Variants in EPB41L4B observed in about 807,000 individuals in gnomAD.
EPB41L4B encodes the protein band 4.1-like protein 4B.
EPB41L4B carries 30 observed loss-of-function variants against 112.5 expected under a neutral mutation model. The observed-to-expected ratio is 0.27, with a 90% confidence interval of 0.20 to 0.36. The LOEUF (loss-of-function observed/expected upper bound fraction) is 0.36. Among genes scored for constraint, EPB41L4B ranks in the 10% least tolerant of loss-of-function variants. The probability of loss-of-function intolerance (pLI) is 1.00; values close to 1 mark genes in which losing one functional copy is unlikely to be tolerated. For synonymous variants in EPB41L4B, 408 were observed against 439.7 expected (o/e 0.93, Z 0.90); for missense variants, 1,024 against 1,133.3 (o/e 0.90, Z 1.38).
intron 17 of EPB41L4B, among the ~76,000 whole-genome samples, chr9:109,211,764 G>GC (rs1833186660): frequency 7.1e-6 from 1 of 140,318 alleles, no homozygotes. Context: ...CACCTAGGCT[G>GC]CAGTGCAGTG....
chr9:109,313,538 C>T (rs574326165), intron 1 of EPB41L4B, among the ~76,000 whole-genome samples: 21 of 152,292 alleles, frequency 1.4e-4, no homozygotes, highest in Admixed American at 1.1e-3. Flanking sequence ...TCGAGACTGC[C>T]CCATAGCAGC....
At chr9:109,290,566 T>C (rs1300317092) in intron 1 of EPB41L4B, among the ~76,000 whole-genome samples, 1 of 152,052 alleles carries the variant, frequency 6.6e-6, no homozygotes, top group African/African-American at 2.4e-5. Flanking sequence ...AGCAGTTGGC[T>C]TCCCAGCCAG....
chr9:109,197,119 A>G (rs899606620), intron 20 of EPB41L4B, among the ~76,000 whole-genome samples: 7 of 152,188 alleles, frequency 4.6e-5, no homozygotes, highest in African/African-American at 1.4e-4. Context: ...ATCAATATCA[A>G]AGAGTTAAAG....
intron 12 of EPB41L4B, 62 bp from the exon 13 acceptor site, chr9:109,251,573 T>C (rs1045830123): frequency 6.9e-6 from 10 of 1,441,888 alleles, no homozygotes; most frequent in Middle Eastern, 3.5e-4. Flanking sequence ...CACCATGCAA[T>C]GACAGATAAT....
intron 1 of EPB41L4B, among the ~76,000 whole-genome samples, chr9:109,315,894 A>C (rs1334317491): frequency 6.6e-6 from 1 of 152,160 alleles, no homozygotes; most frequent in Non-Finnish European, 1.5e-5. Flanking sequence ...TTTCCACTAA[A>C]GAAGAGCCAA....
At chr9:109,243,906 C>T (rs1006727906) in intron 14 of EPB41L4B, among the ~76,000 whole-genome samples, 1 of 152,166 alleles carries the variant, frequency 6.6e-6, no homozygotes, top group Non-Finnish European at 1.5e-5. Flanking sequence ...TCTCCAGAGG[C>T]GGCTCCCTGT....
At chr9:109,202,380 A>G (rs1832864215) in intron 19 of EPB41L4B, among the ~76,000 whole-genome samples, 1 of 152,188 alleles carries the variant, frequency 6.6e-6, no homozygotes, top group African/African-American at 2.4e-5. Flanking sequence ...GTGGTTCTAG[A>G]TCACCTAGGT....
chr9:109,229,984 T>C (rs1833902074), intron 15 of EPB41L4B, among the ~76,000 whole-genome samples: 1 of 152,158 alleles, frequency 6.6e-6, no homozygotes, highest in African/African-American at 2.4e-5. Context: ...TTAGGATAAT[T>C]GACTCAAGTA....
At chr9:109,251,551 C>T in intron 12 of EPB41L4B, 40 bp from the exon 13 acceptor site, 1 of 1,591,560 alleles carries the variant, frequency 6.3e-7, no homozygotes. Context: ...TCTTAGAGAA[C>T]TTTATCGCTT....
chr9:109,224,402 T>C (rs1356163468), intron 15 of EPB41L4B, among the ~76,000 whole-genome samples: 6 of 152,098 alleles, frequency 3.9e-5, no homozygotes, highest in African/African-American at 1.4e-4. Context: ...TGGATAAACT[T>C]TGAAAACATG....
At chr9:109,218,131 T>C in intron 15 of EPB41L4B, among the ~76,000 whole-genome samples, 1 of 126,678 alleles carries the variant, frequency 7.9e-6, no homozygotes, top group Non-Finnish European at 1.7e-5. Context: ...TAATTCTTTT[T>C]TTTTTTTTTT....
chr9:109,293,255 G>T (rs1343400927), intron 1 of EPB41L4B, among the ~76,000 whole-genome samples: 2 of 152,112 alleles, frequency 1.3e-5, no homozygotes, highest in East Asian at 3.8e-4. Flanking sequence ...GTACATAAAA[G>T]ATTTTGTATT....
chr9:109,317,052 C>G (rs1837660786), intron 1 of EPB41L4B, among the ~76,000 whole-genome samples: 1 of 152,112 alleles, frequency 6.6e-6, no homozygotes, highest in Non-Finnish European at 1.5e-5. Flanking sequence ...CCGTAGTGAG[C>G]TGTGGTCGTA....
At position 109,175,084 on chromosome 9, in the gene EPB41L4B, T is replaced by C. The variant is rs987730972; in HGVS notation, c.2634-461A>G. ...GGCACGTGCCACCATGCCAAGCTAATTTTTTGTATTTTAGTAGAGACGGGG... is the reference window on the plus strand; with the variant it reads ...GGCACGTGCCACCATGCCAAGCTAACTTTTTGTATTTTAGTAGAGACGGGG... On this transcript the variant is annotated intron_variant, in intron 25 of 25. Coordinates refer to ENST00000374566, the MANE Select transcript of EPB41L4B (RefSeq NM_019114.5). Among the ~76,000 whole-genome samples the C allele has an allele frequency of 5.3e-5, 8 of 151,472 alleles. 1 individual carries two copies. The highest frequency in any genetic ancestry group is 3.9e-4 in the East Asian group (2 of 5,116).
At chr9:109,241,446 C>A (rs1834349015) in intron 15 of EPB41L4B, 1 of 1,322,622 alleles carries the variant, frequency 7.6e-7, no homozygotes, top group Non-Finnish European at 9.6e-7. Context: ...GATTCCTGAG[C>A]CTTTACCTTC....
At position 109,249,100 on chromosome 9, in the gene EPB41L4B, T is replaced by C. The variant is rs193114065; in HGVS notation, c.1311-1311A>G. On this transcript the variant is annotated intron_variant, in intron 13 of 25. Transcript: ENST00000374566. ...ATATATATATATATATGTATATATATGGACAGAGCAGGCAATCATTATTGC... is the reference window on the plus strand; with the variant it reads ...ATATATATATATATATGTATATATACGGACAGAGCAGGCAATCATTATTGC... Among the ~76,000 whole-genome samples the C allele has an allele frequency of 5.8e-3, 878 of 150,360 alleles. 11 individuals are homozygous for C. The highest frequency in any genetic ancestry group is 0.028 in the Middle Eastern group (8 of 282).
chr9:109,276,284 G>A (rs1006017684), intron 2 of EPB41L4B, among the ~76,000 whole-genome samples: 1 of 149,894 alleles, frequency 6.7e-6, no homozygotes, highest in Non-Finnish European at 1.5e-5. Context: ...CACTTTGAGA[G>A]TTCAGGACAC....
At chr9:109,235,828 T>C (rs1361519612) in intron 15 of EPB41L4B, among the ~76,000 whole-genome samples, 3 of 152,246 alleles carry the variant, frequency 2.0e-5, no homozygotes, top group African/African-American at 7.2e-5. Context: ...ATGTCATTTA[T>C]TGATAATTCT....
At chr9:109,175,255 G>C (rs1301262338) in intron 25 of EPB41L4B, among the ~76,000 whole-genome samples, 1 of 151,988 alleles carries the variant, frequency 6.6e-6, no homozygotes, top group African/African-American at 2.4e-5. Context: ...CCAGGGGTTA[G>C]ATTTATTTAA....
Sources: allele counts gnomAD v4.1 joint callset (sites outside exome capture counted in the v4.1 genomes callset), GRCh38; gene constraint gnomAD v4.1.1; transcripts MANE v1.5; gene names NCBI Gene and HGNC (gene_info 2026-07-23, HGNC 2026-07-21).